Variants in HIP1 observed in about 807,000 individuals in gnomAD.
HIP1 encodes huntingtin interacting protein 1.
A neutral mutation model predicts 147.6 loss-of-function variants in HIP1; 65 were observed. That is an observed-to-expected ratio of 0.44 (90% confidence interval 0.36 to 0.54). The LOEUF (loss-of-function observed/expected upper bound fraction) is 0.54, where lower values mean the gene tolerates loss of function less well. HIP1 is among the 20% of genes least tolerant of loss of function. HIP1 has a pLI of 0.00. For synonymous variants in HIP1, 479 were observed against 504.0 expected, an observed-to-expected ratio of 0.95 and a Z score of 0.67; for missense variants, 1,061 against 1,299.6, an observed-to-expected ratio of 0.82 and a Z score of 2.82.
At chr7:75,544,600 CAAGTA>C in intron 27 of HIP1, 90 bp downstream of exon 27, 2 of 770,094 alleles carry the variant, frequency 2.6e-6, no homozygotes, top group Non-Finnish European at 4.6e-6. Flanking sequence ...CTAACTCAGC[CAAGTA>C]CTGCCTAACG....
intron 1 of HIP1, among the ~76,000 whole-genome samples, chr7:75,631,665 T>C (rs1554508936): frequency 1.3e-5 from 2 of 152,312 alleles, no homozygotes; most frequent in East Asian, 3.9e-4. Context: ...GGAATTTATT[T>C]ATTTTTTCTT....
chr7:75,610,105 G>A lies in HIP1; in HGVS notation c.121-10858C>T, dbSNP rs587677049. Reference sequence around the variant, plus strand: ...TTTAGTAGAGACAGGGTTTCGCCATGTTGGCCAGGCTGGTCTTGAACTCCT... The same window carrying A: ...TTTAGTAGAGACAGGGTTTCGCCATATTGGCCAGGCTGGTCTTGAACTCCT... On this transcript the variant is annotated intron_variant, in intron 1 of 30. Transcript: ENST00000336926. Among the ~76,000 whole-genome samples, 88 of 151,306 alleles carry A rather than the reference G, an allele frequency of 5.8e-4. 1 individual carries two copies. The Middle Eastern group carries it at 0.017, about 30-fold the overall frequency.
intron 1 of HIP1, chr7:75,626,173 A>G (rs1179625): frequency 0.48 from 72,455 of 152,034 alleles, 17,994 homozygotes; most frequent in African/African-American, 0.62. Context: ...GACTAAGACC[A>G]GGGCCATGAC....
At chr7:75,561,508 A>G in intron 12 of HIP1, 107 bp from the exon 13 acceptor site, 1 of 762,296 alleles carries the variant, frequency 1.3e-6, no homozygotes, top group Non-Finnish European at 2.4e-6. Flanking sequence ...TTTGGGGACA[A>G]TTCTTTGAAA....
chr7:75,634,935 A>G (rs1798369528), intron 1 of HIP1, among the ~76,000 whole-genome samples: 2 of 108,778 alleles, frequency 1.8e-5, no homozygotes, highest in Non-Finnish European at 3.6e-5. Context: ...GTGAGACACT[A>G]TCTCTGAAAA....
chr7:75,538,822 C>T (rs1192938579), intron 30 of HIP1, among the ~76,000 whole-genome samples: 6 of 152,090 alleles, frequency 3.9e-5, no homozygotes, highest in African/African-American at 1.4e-4. Flanking sequence ...GATCCGCCCG[C>T]CTCGGCCTCC....
chr7:75,663,072 C>T (rs1799366603), intron 1 of HIP1, among the ~76,000 whole-genome samples: 1 of 152,174 alleles, frequency 6.6e-6, no homozygotes, highest in South Asian at 2.1e-4. Context: ...TCAGATGTAA[C>T]TACAAGAATT....
At chr7:75,556,439 T>C (rs1554493363) in intron 17 of HIP1, among the ~76,000 whole-genome samples, 6 of 152,094 alleles carry the variant, frequency 3.9e-5, no homozygotes. Context: ...CCCAGCACTT[T>C]AGGAGGCTGA....
intron 1 of HIP1, among the ~76,000 whole-genome samples, chr7:75,628,206 A>G (rs1207109409): frequency 1.3e-5 from 2 of 152,226 alleles, no homozygotes; most frequent in African/African-American, 4.8e-5. Flanking sequence ...GCTCAGCTCC[A>G]CAAGGCAGGA....
intron 1 of HIP1, among the ~76,000 whole-genome samples, chr7:75,611,379 A>C (rs1554504886): frequency 6.6e-6 from 1 of 151,054 alleles, no homozygotes; most frequent in Non-Finnish European, 1.5e-5. Flanking sequence ...AGGCAGGAGA[A>C]TCACTTGAAC....
Position 75,537,945 on chromosome 7 carries a change from T to A in HIP1, c.*227A>T, listed in dbSNP as rs1794149004. The A allele has an allele frequency of 1.7e-6, 1 of 576,010 alleles. No individual in the cohort carries two copies. The highest frequency in any genetic ancestry group is 3.2e-6 in the Non-Finnish European group (1 of 314,710). The allele number at this position is 576,010 out of a possible 1,614,324, so 35.7% of individuals were successfully genotyped here. On this transcript the variant is annotated 3_prime_UTR_variant, in exon 31 of 31. Transcript: ENST00000336926. Reference sequence around the variant, plus strand: ...CATGGGCAGCACTGGCCAGCCTGGATGCTAACTAGGGAGGCGGGAAAAGAA... The same window carrying A: ...CATGGGCAGCACTGGCCAGCCTGGAAGCTAACTAGGGAGGCGGGAAAAGAA...
intron 1 of HIP1, among the ~76,000 whole-genome samples, chr7:75,648,055 G>A (rs1445740138): frequency 6.6e-6 from 1 of 152,212 alleles, no homozygotes; most frequent in Non-Finnish European, 1.5e-5. Flanking sequence ...TGCAGGGAGG[G>A]GTATGCTAGC....
chr7:75,566,753 A>C (rs1554495559), intron 9 of HIP1, among the ~76,000 whole-genome samples: 1 of 151,346 alleles, frequency 6.6e-6, no homozygotes, highest in Non-Finnish European at 1.5e-5. Context: ...TGGATTGGAC[A>C]TGGGGGATGA....
intron 5 of HIP1, among the ~76,000 whole-genome samples, chr7:75,585,995 T>C (rs1453870356): frequency 6.6e-6 from 1 of 150,398 alleles, no homozygotes; most frequent in Non-Finnish European, 1.5e-5. Context: ...TTAAATTTTT[T>C]TGTAGAGACA....
chr7:75,677,336 T>TG (rs1272354586), intron 1 of HIP1, among the ~76,000 whole-genome samples: 1 of 150,420 alleles, frequency 6.6e-6, no homozygotes, highest in Non-Finnish European at 1.5e-5. Flanking sequence ...CCAGGCGTGG[T>TG]GGCTCACGCC....
chr7:75,609,482 A>G lies in HIP1; in HGVS notation c.121-10235T>C, dbSNP rs376924997. Among the ~76,000 whole-genome samples, 69 of 151,436 alleles carry G rather than the reference A, an allele frequency of 4.6e-4. No homozygotes were observed. The East Asian group carries it at 8.6e-3, about 19-fold the overall frequency. On this transcript the variant is annotated intron_variant, in intron 1 of 30. Transcript: ENST00000336926. ...CCACCTCTCCACCCCACCCTCCACCATACACGCTCCCTCTTCTTTCTACTT... is the reference window on the plus strand; with the variant it reads ...CCACCTCTCCACCCCACCCTCCACCGTACACGCTCCCTCTTCTTTCTACTT...
intron 4 of HIP1, among the ~76,000 whole-genome samples, chr7:75,590,274 A>G (rs1326943670): frequency 1.3e-5 from 2 of 152,252 alleles, no homozygotes; most frequent in African/African-American, 4.8e-5. Context: ...TGGAACTAAA[A>G]TATTCTAAAG....
intron 1 of HIP1, among the ~76,000 whole-genome samples, chr7:75,709,767 A>T (rs1801112481): frequency 6.6e-6 from 1 of 152,228 alleles, no homozygotes; most frequent in African/African-American, 2.4e-5. Flanking sequence ...CCTGGATCTT[A>T]GAGGAAGAGC....
At chr7:75,632,414 A>AT (rs1798259785) in intron 1 of HIP1, among the ~76,000 whole-genome samples, 1 of 151,904 alleles carries the variant, frequency 6.6e-6, no homozygotes, top group Admixed American at 6.6e-5. Context: ...CTCCTAAGCA[A>AT]TTTTTTTTAG....
Sources: gnomAD v4.1 joint callset for allele counts (sites outside exome capture counted in the v4.1 genomes callset) on GRCh38, gnomAD v4.1.1 for gene constraint, MANE v1.5 for transcripts, NCBI Gene and HGNC (gene_info 2026-07-23, HGNC 2026-07-21) for gene names.